The following CHD8 variants were observed in gnomAD, a reference collection of about 807,000 sequenced individuals.
CHD8 encodes the protein chromodomain helicase DNA binding protein 8.
In CHD8, 31 loss-of-function variants were observed where a neutral mutation model predicts 279.2. The observed-to-expected ratio is 0.11, with a 90% CI of 0.08 to 0.15. The LOEUF (loss-of-function observed/expected upper bound fraction) is 0.15. Ranked by LOEUF, CHD8 falls within the 10% of genes least tolerant of loss-of-function variation. The probability of loss-of-function intolerance (pLI) is 1.00; values close to 1 mark genes in which losing one functional copy is unlikely to be tolerated. For missense variants in CHD8, 2,146 were observed against 3,230.5 expected (o/e 0.66, Z 8.14); for synonymous variants, 1,081 against 1,139.6 (o/e 0.95, Z 1.04).
intron 10 of CHD8, among the ~76,000 whole-genome samples, chr14:21,411,281 T>C (rs1325189585): frequency 1.3e-5 from 2 of 152,066 alleles, no homozygotes; most frequent in African/African-American, 2.4e-5. Context: ...AAACACACAA[T>C]ACTACCACCC....
In CHD8 at chr14:21,408,672, GCTT is replaced by G; in HGVS notation, c.2486+29_2486+31del. 1.3e-6 allele frequency: 2 copies of G among 1,599,976 alleles called. No homozygotes were observed. The highest frequency in any genetic ancestry group is 1.7e-6 in the Non-Finnish European group (2 of 1,173,508). On this transcript the variant is annotated intron_variant, in intron 12 of 37. Transcript: ENST00000646647. The surrounding 1 kb of genome is among the most constrained non-coding windows in gnomAD (Gnocchi z 4.3). ...CAAATAAAAATAATCCCAGAACTAA[GCTT>G]ACATCTTATGGCCCATTCTTTCCTT...
At chr14:21,433,361 G>T (rs1392140198) in intron 1 of CHD8, among the ~76,000 whole-genome samples, 1 of 152,228 alleles carries the variant, frequency 6.6e-6, no homozygotes, top group Non-Finnish European at 1.5e-5. Context: ...AGACAGGGAA[G>T]TATATCACCA....
At chr14:21,387,409 G>A (rs1887302675) in intron 37 of CHD8, among the ~76,000 whole-genome samples, 1 of 152,106 alleles carries the variant, frequency 6.6e-6, no homozygotes, top group Non-Finnish European at 1.5e-5. Context: ...AGGGCAGGCG[G>A]ATCACCTGAG....
chr14:21,417,503 C>G lies in CHD8; in HGVS notation c.1717-1596G>C, dbSNP rs564875841. On this transcript the variant is annotated intron_variant, in intron 5 of 37. Transcript: ENST00000646647. ...GACTGAGGTGGCAGGATCACTCAAG[C>G]CCAGGTGTTCAAGACCAGCCTGGGC... 7.2e-5 allele frequency among the ~76,000 whole-genome samples: 11 copies of G among 152,190 alleles called. 1 individual carries two copies. Among genetic ancestry groups the G allele is most frequent in the Admixed American group, 5.2e-4 (8 of 15,286 alleles).
chr14:21,394,188 G>A lies in CHD8; in HGVS notation c.5607C>T (p.Pro1869=), dbSNP rs537080482. ...TGGGCTCAATGAACAGGTTAGGGTC[G>A]GGGGGTTCTGCAAGAGACAGGAGTA... ...RLPPAAGDEP[P]DPNLFIEPIT... Residue 1869 remains proline, a synonymous_variant, in exon 32 of 38, where the codon CCC becomes CCT. Coordinates refer to ENST00000646647, the MANE Select transcript of CHD8 (RefSeq NM_001170629.2). 81 of 1,606,154 alleles carry A rather than the reference G, an allele frequency of 5.0e-5. No homozygotes were observed. The highest frequency in any genetic ancestry group is 2.0e-4 in the African/African-American group (15 of 74,870).
intron 4 of CHD8, chr14:21,426,956 G>A (rs991875408): frequency 3.3e-5 from 5 of 152,230 alleles, no homozygotes; most frequent in African/African-American, 1.2e-4. Context: ...AGGAGGTAGT[G>A]AGAAATCTCT....
At position 21,391,573 on chromosome 14, in the gene CHD8, T is replaced by C; in HGVS notation, c.6955A>G (p.Asn2319Asp). 1 of 1,613,422 alleles carries C rather than the reference T, an allele frequency of 6.2e-7. No homozygotes were observed. Residue 2319 changes from asparagine (N) to aspartate (D), a missense_variant, in exon 36 of 38, where the codon AAT (asparagine) becomes GAT (aspartate). Coordinates refer to ENST00000646647, the MANE Select transcript of CHD8 (RefSeq NM_001170629.2). ...VDLETRIPVI[N>D]KVDGTLLVGE... is the part of the protein sequence containing the mutation. ...ACCAGCAAAGTACCATCCACCTTAT[T>C]GATGACAGGGATCCGGGTCTCCAGG...
Position 21,448,979 on chromosome 14 carries a change from C to A in CHD8, c.-216+7053G>T, listed in dbSNP as rs1275071129. Among the ~76,000 whole-genome samples the A allele has an allele frequency of 4.0e-5, 6 of 151,814 alleles. No individual in the cohort carries two copies. In the East Asian group the frequency reaches 9.8e-4, roughly 25 times the overall value. ...CACGAGGTCAGGAGATCGAGACCAT[C>A]CTGGCTAACAAGGTGAAACCCCATC... On this transcript the variant is annotated intron_variant, in intron 1 of 37. Transcript: ENST00000646647.
chr14:21,424,559 T>C (rs1566440662), intron 5 of CHD8, among the ~76,000 whole-genome samples: 1 of 152,080 alleles, frequency 6.6e-6, no homozygotes, highest in Non-Finnish European at 1.5e-5. Flanking sequence ...CAAGCTCTGC[T>C]TCTAGGGTTC....
At chr14:21,443,367 G>A (rs1227004281) in intron 1 of CHD8, among the ~76,000 whole-genome samples, 1 of 151,904 alleles carries the variant, frequency 6.6e-6, no homozygotes, top group Non-Finnish European at 1.5e-5. Flanking sequence ...CTCCAGCCTG[G>A]GTGACAGACT....
At chr14:21,392,253 G>T in intron 34 of CHD8, 1 of 758,428 alleles carries the variant, frequency 1.3e-6, no homozygotes, top group Non-Finnish European at 2.4e-6. Flanking sequence ...CATCACAGGG[G>T]CAAAATCCTG....
At chr14:21,450,901 A>G (rs1890241253) in intron 1 of CHD8, among the ~76,000 whole-genome samples, 1 of 152,164 alleles carries the variant, frequency 6.6e-6, no homozygotes, top group Non-Finnish European at 1.5e-5. Flanking sequence ...TTAAGGTGCT[A>G]ACATACAAGG....
intron 1 of CHD8, among the ~76,000 whole-genome samples, chr14:21,454,162 A>AAAAAAGAAAAGAAAAGAAAAGAAAAG (rs1555321148): frequency 7.9e-6 from 1 of 127,016 alleles, no homozygotes; most frequent in South Asian, 2.7e-4. Flanking sequence ...CGTCTCAAAA[A>AAAAAAGAAAAGAAAAGAAAAGAAAAG]AAAAGAAAAG....
chr14:21,428,927 T>G (rs1889443980), intron 3 of CHD8, 37 bp downstream of exon 3: 1 of 1,607,862 alleles, frequency 6.2e-7, no homozygotes. Context: ...TAAGTATTTT[T>G]GTTTTCTTTC....
Position 21,393,741 on chromosome 14 carries a change from A to G in CHD8, c.6054T>C (p.Ser2018=), listed in dbSNP as rs61752836. Residue 2018 remains serine, a synonymous_variant, in exon 32 of 38, where the codon AGT becomes AGC. Transcript: ENST00000646647. ...CTAGCTTTAAAGTCAGACTCTCCAG[A>G]CTGGGGACCTGGGTAGCTGTCTCCT... ...SPEETATQVP[S]LESLTLKLEH... 590 of 1,613,702 alleles carry G rather than the reference A, an allele frequency of 3.7e-4. 2 individuals are homozygous for G. Among genetic ancestry groups the G allele is most frequent in the Middle Eastern group, 6.6e-4 (4 of 6,084 alleles).
In CHD8 at chr14:21,403,221, G is replaced by C; in HGVS notation, c.3519-9C>G. ...TACGTTCATATAAGTACCTGTATGG[G>C]AATCGCAGAAAAAAAATGTAAGTGG... On this transcript the variant is annotated splice_polypyrimidine_tract_variant and intron_variant, in intron 17 of 37. Coordinates refer to ENST00000646647, the MANE Select transcript of CHD8 (RefSeq NM_001170629.2). This position sits in a 1 kb window ranked among gnomAD's most constrained non-coding sequence, Gnocchi z 4.3. 6.2e-7 allele frequency: 1 copy of C among 1,609,608 alleles called. No individual in the cohort carries two copies. The highest frequency in any genetic ancestry group is 8.5e-7 in the Non-Finnish European group (1 of 1,177,544).
rs1888219575 is a variant in CHD8 at position 21,405,495 on chromosome 14, CA to C, written c.3052-32del. 1 of 1,590,622 alleles carries C rather than the reference CA, an allele frequency of 6.3e-7. No homozygotes were observed. The highest frequency in any genetic ancestry group is 8.6e-7 in the Non-Finnish European group (1 of 1,168,566). ...GTCCATTACAGAGAGAAAAATAAAT[CA>C]ATAAGATGAGGGCGAACATTCTCAC... On this transcript the variant is annotated intron_variant, in intron 15 of 37. Coordinates refer to ENST00000646647, the MANE Select transcript of CHD8 (RefSeq NM_001170629.2). This position sits in a 1 kb window ranked among gnomAD's most constrained non-coding sequence, Gnocchi z 4.2.
intron 1 of CHD8, among the ~76,000 whole-genome samples, chr14:21,450,261 T>C (rs1890225503): frequency 6.6e-6 from 1 of 152,204 alleles, no homozygotes; most frequent in South Asian, 2.1e-4. Context: ...TTTGGGTGTA[T>C]CTAAATAAGC....
intron 1 of CHD8, among the ~76,000 whole-genome samples, chr14:21,454,483 A>G (rs532367615): frequency 8.8e-4 from 134 of 152,106 alleles, no homozygotes; most frequent in African/African-American, 3.0e-3. Context: ...ATGCCCGGCT[A>G]ATTTTTTTTT....
Sources: gnomAD v4.1 joint callset for allele counts (sites outside exome capture counted in the v4.1 genomes callset) on GRCh38, gnomAD v4.1.1 for gene constraint, Gnocchi (gnomAD v3.1) non-coding constraint, MANE v1.5 for transcripts, NCBI Gene and HGNC (gene_info 2026-07-23, HGNC 2026-07-21) for gene names.